Variants in PSPC1 observed in about 807,000 individuals in gnomAD.
PSPC1 encodes paraspeckle protein 1.
A neutral mutation model predicts 51.6 loss-of-function variants in PSPC1; 14 were observed. That is an observed-to-expected ratio of 0.27 (90% CI 0.18 to 0.42). The LOEUF (loss-of-function observed/expected upper bound fraction) is 0.42, where lower values mean the gene tolerates loss of function less well. PSPC1 is among the 10% of genes least tolerant of loss of function. The pLI, the probability that PSPC1 is intolerant of heterozygous loss-of-function variation, is 1.00. For synonymous variants in PSPC1, 193 were observed against 231.9 expected, an observed-to-expected ratio of 0.83 and a Z score of 1.53; for missense variants, 406 against 701.1, an observed-to-expected ratio of 0.58 and a Z score of 4.75.
chr13:19,681,612 C>G (rs1327086190), intron 6 of PSPC1, among the ~76,000 whole-genome samples: 1 of 152,200 alleles, frequency 6.6e-6, no homozygotes, highest in Non-Finnish European at 1.5e-5. Flanking sequence ...TGCTGAGCCA[C>G]AGGGACCAGC....
intron 6 of PSPC1, among the ~76,000 whole-genome samples, chr13:19,714,266 TTTATAAGAGACAC>T: frequency 6.6e-6 from 1 of 152,210 alleles, no homozygotes; most frequent in Non-Finnish European, 1.5e-5. Flanking sequence ...GAACAAGGTT[TTTATAAGAGACAC>T]TATAATTATT....
At chr13:19,679,101 A>G (rs1876990725) in intron 6 of PSPC1, 1 of 152,182 alleles carries the variant, frequency 6.6e-6, no homozygotes. Flanking sequence ...ACAAAAAATT[A>G]TTTTTTATAT....
At chr13:19,680,835 C>T (rs746953393) in intron 6 of PSPC1, among the ~76,000 whole-genome samples, 1 of 152,144 alleles carries the variant, frequency 6.6e-6, no homozygotes, top group African/African-American at 2.4e-5. Context: ...CTAACCACCC[C>T]CTAAGATTGA....
chr13:19,755,592 A>C (rs1393934554), intron 3 of PSPC1, among the ~76,000 whole-genome samples: 1 of 151,970 alleles, frequency 6.6e-6, no homozygotes, highest in Non-Finnish European at 1.5e-5. Context: ...CCATCTCAAA[A>C]AAAAAAAAAA....
chr13:19,692,703 GTC>G (rs987656792), intron 6 of PSPC1, among the ~76,000 whole-genome samples: 5 of 152,034 alleles, frequency 3.3e-5, no homozygotes, highest in African/African-American at 7.2e-5. Flanking sequence ...TACCTTTGGC[GTC>G]TCTGTTCATA....
intron 6 of PSPC1, among the ~76,000 whole-genome samples, chr13:19,691,639 C>T (rs561678053): frequency 3.9e-5 from 6 of 152,196 alleles, no homozygotes; most frequent in South Asian, 2.1e-4. Flanking sequence ...TTACAAAGGC[C>T]GGGCGTGGTG....
intron 7 of PSPC1, among the ~76,000 whole-genome samples, chr13:19,708,586 A>C (rs978711959): frequency 6.6e-6 from 1 of 152,224 alleles, no homozygotes; most frequent in African/African-American, 2.4e-5. Context: ...GCAAATCCAT[A>C]CTAAAGTTGC....
rs1428683862 is a variant in PSPC1 at position 19,782,239 on chromosome 13, C to G, written c.372+147G>C. ...GCGCCGAGCTGGGGAAGCGGCCAAC[C>G]CCGCACAGAGGAATCGATGAGGCCG... On this transcript the variant is annotated intron_variant, in intron 1 of 8. Transcript: ENST00000338910. This position sits in a 1 kb window ranked among gnomAD's most constrained non-coding sequence, Gnocchi z 4.5. The G allele has an allele frequency of 7.7e-7, 1 of 1,301,412 alleles. No individual in the cohort carries two copies. 80.6% of individuals were successfully genotyped at this position (1,301,412 alleles called of 1,614,324 possible). A position where few individuals can be genotyped will look rare whatever the true frequency, so the allele number is the denominator to read the frequency against.
chr13:19,675,443 G>A (rs1876533504), intron 7 of PSPC1: 1 of 152,096 alleles, frequency 6.6e-6, no homozygotes, highest in Non-Finnish European at 1.5e-5. Flanking sequence ...TCAATGCAAA[G>A]GAAAACTGCA....
chr13:19,683,553 AAC>A (rs774532266), intron 6 of PSPC1, among the ~76,000 whole-genome samples: 210 of 152,354 alleles, frequency 1.4e-3, no homozygotes, highest in Non-Finnish European at 2.6e-3. Context: ...CGTTTATGAA[AAC>A]AGTCAAACTG....
At chr13:19,756,851 C>A (rs1377261045) in intron 3 of PSPC1, among the ~76,000 whole-genome samples, 2 of 151,842 alleles carry the variant, frequency 1.3e-5, no homozygotes, top group Non-Finnish European at 2.9e-5. Context: ...AGTCAGTCGC[C>A]GGGCATGGTG....
At chr13:19,677,487 C>T (rs1396361441) in intron 7 of PSPC1, among the ~76,000 whole-genome samples, 1 of 152,170 alleles carries the variant, frequency 6.6e-6, no homozygotes, top group Non-Finnish European at 1.5e-5. Context: ...TGAGAGTCCC[C>T]TCTAGCCTTG....
chr13:19,770,876 G>A (rs571959432), intron 2 of PSPC1, among the ~76,000 whole-genome samples: 5 of 150,476 alleles, frequency 3.3e-5, no homozygotes, highest in Non-Finnish European at 4.4e-5. Flanking sequence ...CAGCCTGGGC[G>A]ACAGAGTGAG....
chr13:19,689,502 T>C (rs1259707138), intron 6 of PSPC1, among the ~76,000 whole-genome samples: 3 of 152,188 alleles, frequency 2.0e-5, no homozygotes, highest in African/African-American at 7.2e-5. Flanking sequence ...TAACCAAAAT[T>C]ATATCATAAT....
At chr13:19,671,357 T>G (rs137994565), downstream of PSPC1, 4 of 1,433,934 alleles carry the variant, frequency 2.8e-6, no homozygotes, top group African/African-American at 4.2e-5. Flanking sequence ...TTATCAACAT[T>G]AGAAAAAAAA....
intron 4 of PSPC1, among the ~76,000 whole-genome samples, chr13:19,748,573 T>C (rs183041825): frequency 6.6e-6 from 1 of 152,284 alleles, no homozygotes; most frequent in African/African-American, 2.4e-5. Flanking sequence ...TCTAAGGAAA[T>C]GTTCTTTGCC....
At chr13:19,741,779 G>T in intron 4 of PSPC1, 130 bp from the exon 5 acceptor site, 2 of 512,122 alleles carry the variant, frequency 3.9e-6, no homozygotes, top group Non-Finnish European at 3.4e-6. Flanking sequence ...TGTAAGCTGG[G>T]TAATTAAATA....
chr13:19,765,428 G>C (rs1473765002), intron 2 of PSPC1, among the ~76,000 whole-genome samples: 1 of 149,210 alleles, frequency 6.7e-6, no homozygotes. Context: ...ACTAGGATCT[G>C]ATAATGATAT....
At chr13:19,757,491 A>C (rs946145051) in intron 3 of PSPC1, among the ~76,000 whole-genome samples, 7 of 152,326 alleles carry the variant, frequency 4.6e-5, no homozygotes, top group African/African-American at 1.4e-4. Flanking sequence ...ATAAAGATTT[A>C]TGAGGATCAC....
Sources: allele counts gnomAD v4.1 joint callset (sites outside exome capture counted in the v4.1 genomes callset), GRCh38; gene constraint gnomAD v4.1.1; non-coding constraint Gnocchi (gnomAD v3.1); transcripts MANE v1.5; gene names NCBI Gene and HGNC (gene_info 2026-07-23, HGNC 2026-07-21).